CACNA1C: variants seen among roughly 807,000 people sequenced by gnomAD.
The protein encoded by CACNA1C is calcium voltage-gated channel subunit alpha1 C.
CACNA1C carries 30 observed loss-of-function variants against 229.0 expected under a neutral mutation model. The observed-to-expected ratio is 0.13, with a 90% CI of 0.10 to 0.18. The LOEUF (loss-of-function observed/expected upper bound fraction) is 0.18, where lower values mean the gene tolerates loss of function less well. Among genes scored for constraint, CACNA1C ranks in the 10% least tolerant of loss-of-function variants. CACNA1C has a pLI of 1.00. For missense variants in CACNA1C, 1,658 were observed against 2,845.0 expected (o/e 0.58, Z 9.49); for synonymous variants, 1,114 against 1,132.5 (o/e 0.98, Z 0.33).
At chr12:2,325,913 A>G (rs1484958085) in intron 3 of CACNA1C, among the ~76,000 whole-genome samples, 2 of 152,204 alleles carry the variant, frequency 1.3e-5, no homozygotes, top group Non-Finnish European at 2.9e-5. Flanking sequence ...ACCAGCCGCT[A>G]CTGTGTGTGC....
chr12:1,987,252 A>G (rs1344518513), intron 1 of CACNA1C, among the ~76,000 whole-genome samples: 3 of 152,234 alleles, frequency 2.0e-5, no homozygotes, highest in Non-Finnish European at 2.9e-5. Context: ...AAATAATCCT[A>G]CATATGCTAG....
rs376144986 is a variant in CACNA1C at position 2,503,003 on chromosome 12, G to A, written c.1114-1839G>A. Among the ~76,000 whole-genome samples, 58 of 152,326 alleles carry A rather than the reference G, an allele frequency of 3.8e-4. No individual in the cohort carries two copies. In the South Asian group the frequency reaches 0.011, roughly 29 times the overall value. The stretch of plus-strand genomic sequence containing the variant: ...ACTCTCCCAGATGTTTCTGATGCTG[G>A]TGGTCCTTGGACCACACTTTGAGGA... On this transcript the variant is annotated intron_variant, in intron 7 of 46. Coordinates refer to ENST00000399655, the MANE Select transcript of CACNA1C (RefSeq NM_000719.7).
chr12:2,671,118 C>A (rs1181897923), intron 38 of CACNA1C, among the ~76,000 whole-genome samples: 1 of 151,728 alleles, frequency 6.6e-6, no homozygotes, highest in Non-Finnish European at 1.5e-5. Flanking sequence ...TAGTTCAAGC[C>A]ATTCTCCTGC....
At chr12:2,340,563 A>G (rs1344003481) in intron 3 of CACNA1C, among the ~76,000 whole-genome samples, 1 of 152,190 alleles carries the variant, frequency 6.6e-6, no homozygotes, top group African/African-American at 2.4e-5. Flanking sequence ...TCTTATTTCT[A>G]CCTGTAGTTA....
intron 3 of CACNA1C, among the ~76,000 whole-genome samples, chr12:2,273,759 A>G (rs2086291071): frequency 6.6e-6 from 1 of 152,214 alleles, no homozygotes; most frequent in Non-Finnish European, 1.5e-5. Flanking sequence ...ACATAGGGAA[A>G]GTTCCTACAG....
At chr12:2,572,410 C>CT (rs2055577356) in intron 13 of CACNA1C, among the ~76,000 whole-genome samples, 1 of 69,038 alleles carries the variant, frequency 1.4e-5, no homozygotes, top group African/African-American at 6.1e-5. Flanking sequence ...CTTCCTCCTC[C>CT]TCCTGTTCCT....
At chr12:2,174,252 G>C (rs1372816848) in intron 3 of CACNA1C, among the ~76,000 whole-genome samples, 3 of 152,078 alleles carry the variant, frequency 2.0e-5, no homozygotes, top group Non-Finnish European at 4.4e-5. Context: ...CTTTGTTGCA[G>C]GCAGAGGTGC....
intron 38 of CACNA1C, among the ~76,000 whole-genome samples, chr12:2,671,870 A>G (rs1360121743): frequency 6.6e-6 from 1 of 150,446 alleles, no homozygotes; most frequent in Non-Finnish European, 1.5e-5. Flanking sequence ...GCCCCCACCC[A>G]AGGGTGAGCC....
intron 1 of CACNA1C, among the ~76,000 whole-genome samples, chr12:2,110,958 A>C (rs1459510235): frequency 6.7e-6 from 1 of 149,118 alleles, no homozygotes; most frequent in Non-Finnish European, 1.5e-5. Context: ...CCGAGAGGCC[A>C]CACCTGTCTC....
At chr12:2,216,641 C>A (rs966901225) in intron 3 of CACNA1C, among the ~76,000 whole-genome samples, 6 of 152,224 alleles carry the variant, frequency 3.9e-5, no homozygotes. Context: ...ATAATCTGGG[C>A]AGCCTTTTAA....
At chr12:2,367,024 C>T (rs967673688) in intron 3 of CACNA1C, among the ~76,000 whole-genome samples, 18 of 152,188 alleles carry the variant, frequency 1.2e-4, no homozygotes, top group Admixed American at 9.8e-4. Context: ...CAGGCCCCTC[C>T]ACCGACATGT....
At chr12:2,588,899 G>A (rs745955643) in intron 18 of CACNA1C, among the ~76,000 whole-genome samples, 4 of 152,192 alleles carry the variant, frequency 2.6e-5, no homozygotes, top group Non-Finnish European at 2.9e-5. Context: ...CAGACACTGA[G>A]TAGTCAGCAC....
At chr12:2,535,792 G>C (rs184712979) in intron 9 of CACNA1C, among the ~76,000 whole-genome samples, 73 of 151,118 alleles carry the variant, frequency 4.8e-4, no homozygotes, top group African/African-American at 1.8e-3. Context: ...GTCTGCCCCA[G>C]GGCAAGAAAG....
At chr12:2,404,855 C>T (rs11837370) in intron 3 of CACNA1C, among the ~76,000 whole-genome samples, 18,115 of 152,062 alleles carry the variant, frequency 0.12, 1,312 homozygotes, top group African/African-American at 0.19. Flanking sequence ...CCGAGGGTAT[C>T]CAGGAAGAAG....
At chr12:2,256,529 C>A (rs999314293) in intron 3 of CACNA1C, among the ~76,000 whole-genome samples, 4 of 152,256 alleles carry the variant, frequency 2.6e-5, no homozygotes, top group African/African-American at 9.6e-5. Flanking sequence ...AAGCTATAAT[C>A]CTGGCCCCTG....
At chr12:2,621,571 AGCATGCT>A (rs1428793458) in intron 29 of CACNA1C, among the ~76,000 whole-genome samples, 3 of 152,194 alleles carry the variant, frequency 2.0e-5, no homozygotes, top group Non-Finnish European at 4.4e-5. Flanking sequence ...TTTTTTAACC[AGCATGCT>A]GGCTGCTCAT....
intron 7 of CACNA1C, among the ~76,000 whole-genome samples, chr12:2,495,032 C>T (rs548128170): frequency 3.3e-5 from 5 of 152,258 alleles, no homozygotes; most frequent in East Asian, 1.9e-4. Flanking sequence ...ACCCATGCCG[C>T]GGCAAAGCTG....
At chr12:2,588,043 A>G (rs1255375059) in intron 18 of CACNA1C, among the ~76,000 whole-genome samples, 1 of 152,144 alleles carries the variant, frequency 6.6e-6, no homozygotes, top group African/African-American at 2.4e-5. Flanking sequence ...TGTGCTTCCC[A>G]GCTCTTCCTG....
chr12:2,187,751 G>A (rs1220188051), intron 3 of CACNA1C, among the ~76,000 whole-genome samples: 1 of 152,242 alleles, frequency 6.6e-6, no homozygotes, highest in East Asian at 1.9e-4. Context: ...CCTGTCCTCC[G>A]GAGAAAGATT....
Sources: allele counts gnomAD v4.1 joint callset (sites outside exome capture counted in the v4.1 genomes callset), GRCh38; gene constraint gnomAD v4.1.1; transcripts MANE v1.5; gene names NCBI Gene and HGNC (gene_info 2026-07-23, HGNC 2026-07-21).